The following ALKBH1 variants were observed in gnomAD, a reference collection of about 807,000 sequenced individuals.
The protein encoded by ALKBH1 is nucleic acid dioxygenase ALKBH1.
A neutral mutation model predicts 36.6 loss-of-function variants in ALKBH1; 31 were observed. The observed-to-expected ratio is 0.85, with a 90% confidence interval of 0.64 to 1.14. The LOEUF is 1.14. Ranked by LOEUF, ALKBH1 falls within the 50% of genes most tolerant of loss-of-function variation. The probability of loss-of-function intolerance (pLI) is 0.00; values close to 1 mark genes in which losing one functional copy is unlikely to be tolerated. For synonymous variants in ALKBH1, 183 were observed against 186.6 expected, an observed-to-expected ratio of 0.98 and a Z score of 0.16; for missense variants, 490 against 497.3, an observed-to-expected ratio of 0.99 and a Z score of 0.14.
rs1000088072 is a variant in ALKBH1, at chr14:77,694,797, G to C, written c.396C>G (p.Asp132Glu). The stretch of plus-strand genomic sequence containing the variant: ...GGGTCTCTTCTTTAGACATGTGTTT[G>C]TCCAGGTTACATACATTAGGTTTCT... ...YSQKPNVCNL[D>E]KHMSKEETQD... Residue 132 changes from aspartate (D) to glutamate (E), a missense_variant, in exon 3 of 6, where the codon GAC becomes GAG. Asp to Glu is a conservative substitution (Grantham distance 45, BLOSUM62 2). Coordinates refer to ENST00000216489, the MANE Select transcript of ALKBH1 (RefSeq NM_006020.3). 1.9e-6 allele frequency: 3 copies of C among 1,609,162 alleles called. No individual in the cohort carries two copies. Among genetic ancestry groups the C allele is most frequent in the East Asian group, 4.5e-5 (2 of 44,768 alleles).
intron 3 of ALKBH1, 146 bp from the exon 4 acceptor site, chr14:77,680,116 G>A (rs904321561): frequency 1.6e-6 from 1 of 613,318 alleles, no homozygotes; most frequent in Non-Finnish European, 3.0e-6. Flanking sequence ...AGATAAATGA[G>A]TAGACCACAG....
intron 3 of ALKBH1, among the ~76,000 whole-genome samples, chr14:77,681,492 A>AGTT (rs2080238000): frequency 6.6e-6 from 1 of 152,252 alleles, no homozygotes; most frequent in African/African-American, 2.4e-5. Flanking sequence ...GAGTTTACAG[A>AGTT]ATAGATGCTA....
chr14:77,698,747 G>C (rs1438968752), intron 2 of ALKBH1, among the ~76,000 whole-genome samples: 1 of 152,026 alleles, frequency 6.6e-6, no homozygotes, highest in Non-Finnish European at 1.5e-5. Flanking sequence ...ACTAGGCTTC[G>C]ACAGTTATTT....
chr14:77,694,376 A>C (rs2080315471), intron 3 of ALKBH1, among the ~76,000 whole-genome samples: 1 of 152,228 alleles, frequency 6.6e-6, no homozygotes, highest in Non-Finnish European at 1.5e-5. Flanking sequence ...GTAGAAGCAA[A>C]GAGCTTTCGA....
At chr14:77,705,305 A>T (rs1213532353) in intron 1 of ALKBH1, among the ~76,000 whole-genome samples, 1 of 151,242 alleles carries the variant, frequency 6.6e-6, no homozygotes, top group Admixed American at 6.6e-5. Context: ...CCCAGCTACG[A>T]GAGGCTGGGG....
intron 3 of ALKBH1, 101 bp from the exon 4 acceptor site, chr14:77,680,071 G>T: frequency 1.2e-6 from 1 of 855,066 alleles, no homozygotes; most frequent in Non-Finnish European, 2.0e-6. Flanking sequence ...CATGGTATAA[G>T]CCGTTAGCCA....
At chr14:77,693,477 C>T (rs376551570) in intron 3 of ALKBH1, among the ~76,000 whole-genome samples, 2 of 152,210 alleles carry the variant, frequency 1.3e-5, no homozygotes, top group South Asian at 2.1e-4. Flanking sequence ...TGACACATAG[C>T]AGAAACTCAA....
chr14:77,694,517 G>GC (rs1199992105), intron 3 of ALKBH1, among the ~76,000 whole-genome samples: 1 of 152,152 alleles, frequency 6.6e-6, no homozygotes. Context: ...GCTATGATAA[G>GC]CAAGTCTTTA....
chr14:77,681,960 C>T (rs1286035585), intron 3 of ALKBH1, among the ~76,000 whole-genome samples: 2 of 152,198 alleles, frequency 1.3e-5, no homozygotes, highest in African/African-American at 4.8e-5. Context: ...CTCCAGGTGC[C>T]TTTTCCCTTT....
At chr14:77,687,286 A>G (rs567179153) in intron 3 of ALKBH1, among the ~76,000 whole-genome samples, 1 of 152,196 alleles carries the variant, frequency 6.6e-6, no homozygotes, top group East Asian at 1.9e-4. Context: ...TTCTCTACCT[A>G]TACTATATCC....
chr14:77,694,898 A>G lies in ALKBH1; in HGVS notation c.295T>C (p.Phe99Leu). ...AGGAAGGGGTTTGGGATAAAAATAA[A>G]CCCTATACAAAAGATGGGTGGGAAA... ...QAYGLKGYPG[F>L]IFIPNPFLPG... Residue 99 changes from phenylalanine (F) to leucine (L), a missense_variant and splice_region_variant, in exon 3 of 6, where the codon TTT (phenylalanine) becomes CTT (leucine). Transcript: ENST00000216489. The G allele has an allele frequency of 6.6e-7, 1 of 1,518,652 alleles. No homozygotes were observed. Among genetic ancestry groups the G allele is most frequent in the Non-Finnish European group, 8.8e-7 (1 of 1,137,116 alleles). 94.1% of individuals were successfully genotyped at this position (1,518,652 alleles called of 1,614,324 possible).
chr14:77,688,195 A>C (rs2080278516), intron 3 of ALKBH1, among the ~76,000 whole-genome samples: 1 of 151,958 alleles, frequency 6.6e-6, no homozygotes, highest in Non-Finnish European at 1.5e-5. Context: ...AGTTCTGTAG[A>C]CAACATCTTT....
chr14:77,686,207 T>G (rs1444430978), intron 3 of ALKBH1, among the ~76,000 whole-genome samples: 2 of 152,084 alleles, frequency 1.3e-5, no homozygotes, highest in African/African-American at 2.4e-5. Flanking sequence ...ACACTGTGAA[T>G]AGTAAGACCA....
intron 1 of ALKBH1, 114 bp from the exon 2 acceptor site, chr14:77,704,591 A>C: frequency 1.3e-6 from 1 of 789,920 alleles, no homozygotes; most frequent in Non-Finnish European, 2.1e-6. Context: ...ATTCTTGTTT[A>C]AGATACAGAA....
At chr14:77,707,701 A>T (rs2080403493) in intron 1 of ALKBH1, 121 bp downstream of exon 1, 1 of 1,130,176 alleles carries the variant, frequency 8.8e-7, no homozygotes, top group South Asian at 2.0e-5. Flanking sequence ...CAGCCAAAGG[A>T]GGTCAGGAAT....
chr14:77,675,509 T>C, intron 5 of ALKBH1, 147 bp downstream of exon 5: 1 of 569,892 alleles, frequency 1.8e-6, no homozygotes, highest in South Asian at 3.8e-5. Flanking sequence ...ATACTAACTA[T>C]AATTTATTAA....
chr14:77,688,640 C>A (rs1405608169), intron 3 of ALKBH1, among the ~76,000 whole-genome samples: 1 of 151,232 alleles, frequency 6.6e-6, no homozygotes, highest in African/African-American at 2.4e-5. Context: ...GCAACCTCCA[C>A]CTGCCGGGTT....
intron 2 of ALKBH1, among the ~76,000 whole-genome samples, chr14:77,702,894 C>T (rs960386783): frequency 6.6e-6 from 1 of 152,070 alleles, no homozygotes; most frequent in Admixed American, 6.5e-5. Context: ...GTGTCTCACG[C>T]CTGTAATCCT....
At chr14:77,676,778 A>T (rs1469106350) in intron 4 of ALKBH1, among the ~76,000 whole-genome samples, 1 of 152,216 alleles carries the variant, frequency 6.6e-6, no homozygotes, top group Non-Finnish European at 1.5e-5. Flanking sequence ...GTTAATTTAT[A>T]AAAAGGCAAC....
Sources: gnomAD v4.1 joint callset for allele counts (sites outside exome capture counted in the v4.1 genomes callset) on GRCh38, gnomAD v4.1.1 for gene constraint, MANE v1.5 for transcripts, NCBI Gene and HGNC (gene_info 2026-07-23, HGNC 2026-07-21) for gene names.